CLVS1: variants seen among roughly 807,000 people sequenced by gnomAD.
CLVS1 encodes clavesin 1.
In CLVS1, 10 loss-of-function variants were observed where a neutral mutation model predicts 33.1. The ratio of observed to expected loss-of-function variants is 0.30; its 90% confidence interval spans 0.19 to 0.51. The LOEUF (loss-of-function observed/expected upper bound fraction) is 0.51, where lower values mean the gene tolerates loss of function less well. Ranked by LOEUF, CLVS1 falls within the 20% of genes least tolerant of loss-of-function variation. The probability of loss-of-function intolerance (pLI) is 0.97; values close to 1 mark genes in which losing one functional copy is unlikely to be tolerated. For missense variants in CLVS1, 343 were observed against 433.4 expected (o/e 0.79, Z 1.85); for synonymous variants, 163 against 166.1 (o/e 0.98, Z 0.14).
chr8:61,423,806 C>G (rs1470729705), intron 3 of CLVS1, among the ~76,000 whole-genome samples: 3 of 152,122 alleles, frequency 2.0e-5, no homozygotes, highest in African/African-American at 7.2e-5. Flanking sequence ...TAGTGTCTCT[C>G]AGGTATGAAT....
chr8:61,090,337 T>C (rs1041275932), intron 1 of CLVS1, among the ~76,000 whole-genome samples: 3 of 152,176 alleles, frequency 2.0e-5, no homozygotes, highest in Non-Finnish European at 4.4e-5. Context: ...AATTATCCTG[T>C]CCACGCTGTC....
In CLVS1 at chr8:61,406,699, C is replaced by A. The variant is rs59628326; in HGVS notation, c.630+29920C>A. 3.9e-3 allele frequency among the ~76,000 whole-genome samples: 599 copies of A among 152,130 alleles called. 13 individuals are homozygous for A. In the East Asian group the frequency reaches 0.077, roughly 20 times the overall value. On this transcript the variant is annotated intron_variant, in intron 3 of 5. Transcript: ENST00000325897. ...CTCGGCTCACTGCAACCTCCTCCTC[C>A]CAGGTTCAAGCAATTCTCCTGCCTC...
At chr8:61,064,018 G>A (rs1804631632) in intron 1 of CLVS1, among the ~76,000 whole-genome samples, 3 of 152,124 alleles carry the variant, frequency 2.0e-5, no homozygotes, top group South Asian at 4.1e-4. Context: ...TTAACATAAT[G>A]TCTTCAGGTT....
chr8:61,201,721 G>C (rs1807736345), intron 2 of CLVS1, among the ~76,000 whole-genome samples: 1 of 136,894 alleles, frequency 7.3e-6, no homozygotes, highest in South Asian at 2.4e-4. Context: ...AATCCCAGTT[G>C]TTCTAGAAGG....
In CLVS1 at chr8:61,194,488, A is replaced by G. The variant is rs1317304967; in HGVS notation, c.-152+62628A>G. On this transcript the variant is annotated intron_variant, in intron 2 of 2. Transcript: ENST00000522621. ...GGTGCATTACTAGAAATGAATTGGG[A>G]TAGTGCACAATGATAAAAGGTTTAA... is the stretch of plus-strand genomic sequence containing the variant. Among the ~76,000 whole-genome samples the G allele has an allele frequency of 2.0e-5, 3 of 152,146 alleles. No homozygotes were observed. The South Asian group carries it at 6.2e-4, about 32-fold the overall frequency.
intron 3 of CLVS1, among the ~76,000 whole-genome samples, chr8:61,391,467 A>G (rs1297833515): frequency 1.3e-5 from 2 of 152,210 alleles, no homozygotes; most frequent in Non-Finnish European, 1.5e-5. Context: ...CAGGGCTCAA[A>G]AGCTGGACTG....
At chr8:61,423,161 C>T (rs954482032) in intron 3 of CLVS1, among the ~76,000 whole-genome samples, 2 of 152,288 alleles carry the variant, frequency 1.3e-5, no homozygotes, top group South Asian at 2.1e-4. Flanking sequence ...GGTCACTTCC[C>T]TATTAGTCAA....
At chr8:61,442,693 G>T (rs147800428) in intron 3 of CLVS1, among the ~76,000 whole-genome samples, 24 of 152,160 alleles carry the variant, frequency 1.6e-4, no homozygotes, top group Non-Finnish European at 2.5e-4. Flanking sequence ...TCCACCTCCC[G>T]GATTCAAGTG....
chr8:61,368,774 A>T (rs956980853), intron 2 of CLVS1, among the ~76,000 whole-genome samples: 7 of 152,346 alleles, frequency 4.6e-5, no homozygotes, highest in South Asian at 4.1e-4. Flanking sequence ...TCAATACATT[A>T]TTTCTAAAAA....
At chr8:61,321,274 C>G (rs1469088234) in intron 2 of CLVS1, among the ~76,000 whole-genome samples, 2 of 152,066 alleles carry the variant, frequency 1.3e-5, no homozygotes, top group Non-Finnish European at 2.9e-5. Context: ...GGGGCACAGG[C>G]TCTCAGGCTT....
intron 2 of CLVS1, among the ~76,000 whole-genome samples, chr8:61,320,156 C>A (rs1412541566): frequency 1.3e-5 from 2 of 152,084 alleles, no homozygotes; most frequent in Non-Finnish European, 2.9e-5. Context: ...CTACATACAG[C>A]TCTTTTTTGT....
chr8:61,028,547 G>T, the CLVS1 span, among the ~76,000 whole-genome samples: 5 of 152,180 alleles, frequency 3.3e-5, no homozygotes, highest in Non-Finnish European at 7.4e-5. Context: ...TGAGGTGTCA[G>T]GTCACCTCAA....
At chr8:61,471,084 G>C (rs1057275511) in intron 5 of CLVS1, among the ~76,000 whole-genome samples, 2 of 152,192 alleles carry the variant, frequency 1.3e-5, no homozygotes, top group South Asian at 4.1e-4. Context: ...TTGAGGCCAT[G>C]ATTACACTGG....
At chr8:61,476,731 T>C (rs1817950142) in intron 5 of CLVS1, among the ~76,000 whole-genome samples, 1 of 152,200 alleles carries the variant, frequency 6.6e-6, no homozygotes, top group African/African-American at 2.4e-5. Flanking sequence ...TATACAATCA[T>C]GTCATCTTCA....
intron 5 of CLVS1, among the ~76,000 whole-genome samples, chr8:61,464,420 CT>C (rs1301672424): frequency 6.6e-6 from 1 of 152,238 alleles, no homozygotes. Context: ...CCCCAACCCC[CT>C]GTCTTTAACA....
intron 2 of CLVS1, among the ~76,000 whole-genome samples, chr8:61,346,403 T>C (rs1031974620): frequency 3.9e-5 from 6 of 152,044 alleles, no homozygotes; most frequent in African/African-American, 1.2e-4. Flanking sequence ...GAGGTCGCAG[T>C]TGAGGAAACT....
At chr8:61,236,254 G>T (rs1306723031) in intron 2 of CLVS1, among the ~76,000 whole-genome samples, 5 of 152,226 alleles carry the variant, frequency 3.3e-5, no homozygotes, top group Non-Finnish European at 7.3e-5. Context: ...GAAGCCAGAG[G>T]AGTGAATGAG....
intron 2 of CLVS1, among the ~76,000 whole-genome samples, chr8:61,175,379 C>T (rs369192440): frequency 6.6e-6 from 1 of 152,148 alleles, no homozygotes; most frequent in African/African-American, 2.4e-5. Flanking sequence ...CTTCATCAGA[C>T]CCTGAATCTG....
At chr8:61,295,178 A>G (rs1438352927) in intron 1 of CLVS1, among the ~76,000 whole-genome samples, 1 of 152,242 alleles carries the variant, frequency 6.6e-6, no homozygotes, top group Non-Finnish European at 1.5e-5. Context: ...TGTCAAATAC[A>G]GAATCATTTG....
Sources: allele counts gnomAD v4.1 joint callset (sites outside exome capture counted in the v4.1 genomes callset), GRCh38; gene constraint gnomAD v4.1.1; transcripts MANE v1.5; gene names NCBI Gene and HGNC (gene_info 2026-07-23, HGNC 2026-07-21).